AGBL4: variants seen among roughly 807,000 people sequenced by gnomAD.
AGBL4 encodes the protein cytosolic carboxypeptidase 6.
AGBL4 carries 58 observed loss-of-function variants against 66.4 expected under a neutral mutation model. That is an observed-to-expected ratio of 0.87 (90% CI 0.71 to 1.09). The LOEUF is 1.09. Ranked by LOEUF, AGBL4 falls within the 50% of genes least tolerant of loss-of-function variation. The pLI, the probability that AGBL4 is intolerant of heterozygous loss-of-function variation, is 0.00. For missense variants in AGBL4, 579 were observed against 631.0 expected (o/e 0.92, Z 0.88); for synonymous variants, 234 against 222.9 (o/e 1.05, Z -0.44).
chr1:48,815,198 G>C (rs185567550), intron 6 of AGBL4, among the ~76,000 whole-genome samples: 1 of 152,180 alleles, frequency 6.6e-6, no homozygotes, highest in Non-Finnish European at 1.5e-5. Flanking sequence ...TATGTCTTTT[G>C]AGAAATGTCT....
At chr1:48,818,090 A>G (rs1442948310) in intron 6 of AGBL4, 1 of 715,994 alleles carries the variant, frequency 1.4e-6, no homozygotes, top group Non-Finnish European at 2.6e-6. Context: ...TTCAGAAGCA[A>G]ATGATTTCAC....
intron 1 of AGBL4, among the ~76,000 whole-genome samples, chr1:50,004,240 T>TA: frequency 6.6e-6 from 1 of 152,288 alleles, no homozygotes; most frequent in East Asian, 1.9e-4. Context: ...AAGGAACATT[T>TA]ACACCAGCCT....
chr1:49,607,472 C>T (rs1645080552), intron 3 of AGBL4, among the ~76,000 whole-genome samples: 1 of 152,068 alleles, frequency 6.6e-6, no homozygotes, highest in Non-Finnish European at 1.5e-5. Flanking sequence ...TTGCATACAC[C>T]ATTCTCTTTA....
At position 49,828,560 on chromosome 1, in the gene AGBL4, A is replaced by C. The variant is rs539023536; in HGVS notation, c.157+22836T>G. ...TACAGCATTATTGGGAAGAGTAAGA[A>C]TGTCATGAGGTGAAGTCAGAAAAGT... is the stretch of plus-strand genomic sequence containing the variant. On this transcript the variant is annotated intron_variant, in intron 2 of 13. Transcript: ENST00000371839. 2.0e-5 allele frequency among the ~76,000 whole-genome samples: 3 copies of C among 152,338 alleles called. No individual in the cohort carries two copies. In the South Asian group the frequency reaches 6.2e-4, roughly 32 times the overall value.
intron 5 of AGBL4, among the ~76,000 whole-genome samples, chr1:48,957,948 C>T (rs1161028748): frequency 2.0e-5 from 3 of 152,152 alleles, no homozygotes; most frequent in Non-Finnish European, 4.4e-5. Context: ...GGATCCTTGG[C>T]ATAACAGTCC....
rs1648998616 is a variant in AGBL4 at position 48,736,101 on chromosome 1, C to G, written c.635-72860G>C. The stretch of plus-strand genomic sequence containing the variant: ...TCTTCTGGGGCATTTGGGTTATCCG[C>G]TTGGTGTCCCCGGGCTCAGCCCAGG... On this transcript the variant is annotated intron_variant, in intron 6 of 13. Transcript: ENST00000371839. The surrounding 1 kb of genome is among the most constrained non-coding windows in gnomAD (Gnocchi z 4.0). The G allele has an allele frequency of 1.1e-6, 1 of 925,448 alleles. No homozygotes were observed. The highest frequency in any genetic ancestry group is 1.7e-6 in the Non-Finnish European group (1 of 598,266). The allele number at this position is 925,448 out of a possible 1,614,324, so 57.3% of individuals were successfully genotyped here.
At chr1:50,001,866 A>G (rs1454090899) in intron 1 of AGBL4, among the ~76,000 whole-genome samples, 1 of 152,192 alleles carries the variant, frequency 6.6e-6, no homozygotes, top group African/African-American at 2.4e-5. Flanking sequence ...CATGAGCCCA[A>G]CAAAATATAT....
intron 11 of AGBL4, among the ~76,000 whole-genome samples, chr1:48,568,864 T>C (rs552575836): frequency 2.8e-4 from 43 of 152,338 alleles, no homozygotes; most frequent in African/African-American, 9.6e-4. Flanking sequence ...AATAGTAATG[T>C]TTGGATGTCC....
At position 49,223,354 on chromosome 1, in the gene AGBL4, A is replaced by G. The variant is rs925473980; in HGVS notation, c.377+22416T>C. Among the ~76,000 whole-genome samples, 4 of 152,240 alleles carry G rather than the reference A, an allele frequency of 2.6e-5. No individual in the cohort carries two copies. In the East Asian group the frequency reaches 7.8e-4, roughly 30 times the overall value. ...TTTATCAGTGCAAATAACAGTAATGATATTTGTTTCCTGTTTTACTGAATA... is the reference window on the plus strand; with the variant it reads ...TTTATCAGTGCAAATAACAGTAATGGTATTTGTTTCCTGTTTTACTGAATA... On this transcript the variant is annotated intron_variant, in intron 4 of 13. Transcript: ENST00000371839.
At chr1:49,699,355 C>A (rs1647045664) in intron 2 of AGBL4, among the ~76,000 whole-genome samples, 3 of 151,950 alleles carry the variant, frequency 2.0e-5, no homozygotes, top group African/African-American at 4.8e-5. Context: ...TTTCCTTATA[C>A]ACAATTAAGT....
At chr1:49,927,082 C>G in intron 1 of AGBL4, among the ~76,000 whole-genome samples, 1 of 152,028 alleles carries the variant, frequency 6.6e-6, no homozygotes, top group East Asian at 1.9e-4. Context: ...TTTTTTCTGC[C>G]TGCAACATTC....
chr1:49,732,516 T>C (rs566420988), intron 2 of AGBL4, among the ~76,000 whole-genome samples: 1 of 152,284 alleles, frequency 6.6e-6, no homozygotes, highest in Admixed American at 6.5e-5. Flanking sequence ...AAGAAAACTA[T>C]GTTTATGAAA....
In AGBL4 at chr1:49,951,648, G is replaced by A. The variant is rs12040335; in HGVS notation, c.34+72115C>T. 8.2e-3 allele frequency among the ~76,000 whole-genome samples: 1,244 copies of A among 151,908 alleles called. 9 individuals carry two copies. Among genetic ancestry groups the A allele is most frequent in the Middle Eastern group, 0.031 (9 of 294 alleles). On this transcript the variant is annotated intron_variant, in intron 1 of 13. Coordinates refer to ENST00000371839, the MANE Select transcript of AGBL4 (RefSeq NM_032785.4). ...ATTCACATAGTTTACTACGGCATAC[G>A]TATTCCCATTGCAGTGTTACTCCCA... is the stretch of plus-strand genomic sequence containing the variant.
At chr1:49,311,591 A>T (rs1047780984) in intron 3 of AGBL4, among the ~76,000 whole-genome samples, 31 of 152,070 alleles carry the variant, frequency 2.0e-4, no homozygotes, top group African/African-American at 7.2e-4. Flanking sequence ...AAGTTATCCA[A>T]ACTATACTTT....
chr1:48,768,685 T>A (rs1006250115), intron 6 of AGBL4, among the ~76,000 whole-genome samples: 9 of 152,206 alleles, frequency 5.9e-5, no homozygotes, highest in Non-Finnish European at 1.3e-4. Context: ...AATAATCCAA[T>A]GTCAGAGAGC....
At chr1:49,606,382 A>T (rs1237338159) in intron 3 of AGBL4, among the ~76,000 whole-genome samples, 1 of 152,156 alleles carries the variant, frequency 6.6e-6, no homozygotes, top group Non-Finnish European at 1.5e-5. Flanking sequence ...CACTGTGGAT[A>T]AGTGTTCGTG....
At chr1:49,024,693 T>C (rs955382315) in intron 5 of AGBL4, among the ~76,000 whole-genome samples, 1 of 152,190 alleles carries the variant, frequency 6.6e-6, no homozygotes. Context: ...GTTTAATTTT[T>C]ATATGACAAA....
chr1:49,712,201 G>A (rs957820215), intron 2 of AGBL4, among the ~76,000 whole-genome samples: 3 of 151,842 alleles, frequency 2.0e-5, no homozygotes, highest in African/African-American at 4.8e-5. Context: ...TAGGAATATG[G>A]GCTCTGGTTC....
At chr1:49,347,883 A>C (rs1186048527) in intron 3 of AGBL4, among the ~76,000 whole-genome samples, 1 of 151,916 alleles carries the variant, frequency 6.6e-6, no homozygotes, top group Admixed American at 6.6e-5. Context: ...GCAACAACAA[A>C]AAAACTTGTT....
Sources: gnomAD v4.1 joint callset for allele counts (sites outside exome capture counted in the v4.1 genomes callset) on GRCh38, gnomAD v4.1.1 for gene constraint, Gnocchi (gnomAD v3.1) non-coding constraint, MANE v1.5 for transcripts, NCBI Gene and HGNC (gene_info 2026-07-23, HGNC 2026-07-21) for gene names.